Variants in SEM1 observed in about 807,000 individuals in gnomAD.
SEM1 encodes the protein SEM1 26S proteasome subunit.
A neutral mutation model predicts 12.7 loss-of-function variants in SEM1; 3 were observed. That is an observed-to-expected ratio of 0.24 (90% CI 0.11 to 0.61). SEM1 has a LOEUF of 0.61. Ranked by LOEUF, SEM1 falls within the 20% of genes least tolerant of loss-of-function variation. The pLI is 0.88. For synonymous variants in SEM1, 30 were observed against 27.8 expected (o/e 1.08, Z -0.25); for missense variants, 59 against 81.3 (o/e 0.73, Z 1.06).
chr7:96,682,791 GTA>G (rs1789653698), intron 2 of SEM1, among the ~76,000 whole-genome samples: 1 of 151,904 alleles, frequency 6.6e-6, no homozygotes, highest in East Asian at 1.9e-4. Context: ...AGGATACATT[GTA>G]TCCTTTGTCT....
chr7:96,592,765 T>C (rs550924689), intron 2 of SEM1, among the ~76,000 whole-genome samples: 1 of 151,934 alleles, frequency 6.6e-6, no homozygotes, highest in African/African-American at 2.4e-5. Context: ...AAAAGGATTG[T>C]TTTTCCACAC....
At chr7:96,662,645 C>T (rs1789043208) in intron 2 of SEM1, among the ~76,000 whole-genome samples, 1 of 152,100 alleles carries the variant, frequency 6.6e-6, no homozygotes. Context: ...ACATAACAAA[C>T]CTGCACATTC....
At chr7:96,535,446 A>G (rs938483645) in intron 2 of SEM1, among the ~76,000 whole-genome samples, 2 of 151,822 alleles carry the variant, frequency 1.3e-5, no homozygotes, top group Middle Eastern at 3.4e-3. Context: ...TCATATTTTA[A>G]TTTTCTTTTT....
intron 2 of SEM1, among the ~76,000 whole-genome samples, chr7:96,591,950 T>G (rs887750863): frequency 6.6e-6 from 1 of 152,106 alleles, no homozygotes. Flanking sequence ...AACCTTGCTT[T>G]TTAGAGAGGG....
At chr7:96,584,223 A>G (rs1289111630) in intron 2 of SEM1, among the ~76,000 whole-genome samples, 1 of 152,092 alleles carries the variant, frequency 6.6e-6, no homozygotes, top group African/African-American at 2.4e-5. Flanking sequence ...TCCTTCATTT[A>G]TGAAGCTTAG....
chr7:96,610,485 T>G (rs1199269754), intron 2 of SEM1, among the ~76,000 whole-genome samples: 1 of 152,158 alleles, frequency 6.6e-6, no homozygotes, highest in African/African-American at 2.4e-5. Flanking sequence ...CCAATGATAC[T>G]CTAGGTAAGA....
At chr7:96,509,113 A>G (rs534352507) in intron 2 of SEM1, among the ~76,000 whole-genome samples, 10 of 151,070 alleles carry the variant, frequency 6.6e-5, no homozygotes, top group Non-Finnish European at 1.5e-4. Context: ...CAGCCTCCCA[A>G]GTAGCTGGGA....
At chr7:96,704,570 A>G (rs1008187488) in intron 1 of SEM1, among the ~76,000 whole-genome samples, 1 of 152,212 alleles carries the variant, frequency 6.6e-6, no homozygotes, top group African/African-American at 2.4e-5. Context: ...CACAATTATC[A>G]AAAATGGACA....
intron 2 of SEM1, among the ~76,000 whole-genome samples, chr7:96,636,882 C>G (rs1466087856): frequency 1.3e-5 from 2 of 151,996 alleles, no homozygotes; most frequent in African/African-American, 4.8e-5. Flanking sequence ...TAAAGTCCAC[C>G]TGGTATAGCA....
chr7:96,565,649 C>T (rs1418486272), intron 2 of SEM1, among the ~76,000 whole-genome samples: 1 of 151,794 alleles, frequency 6.6e-6, no homozygotes, highest in Non-Finnish European at 1.5e-5. Context: ...GTAATGATTA[C>T]ACACACTTAT....
At chr7:96,503,282 A>C (rs1214695195) in intron 3 of SEM1, among the ~76,000 whole-genome samples, 1 of 152,274 alleles carries the variant, frequency 6.6e-6, no homozygotes, top group African/African-American at 2.4e-5. Flanking sequence ...ATTCTTGAGC[A>C]ATGAGCATTT....
chr7:96,676,708 T>C (rs1372211798), intron 2 of SEM1, among the ~76,000 whole-genome samples: 1 of 152,204 alleles, frequency 6.6e-6, no homozygotes, highest in Non-Finnish European at 1.5e-5. Flanking sequence ...ATGACTGTTT[T>C]ACATTTCCCA....
At chr7:96,636,283 T>C (rs1384313691) in intron 2 of SEM1, among the ~76,000 whole-genome samples, 1 of 151,506 alleles carries the variant, frequency 6.6e-6, no homozygotes, top group Non-Finnish European at 1.5e-5. Flanking sequence ...TAACTCCTGG[T>C]TCCTGGTCAG....
chr7:96,523,513 G>A (rs139906400), intron 2 of SEM1, among the ~76,000 whole-genome samples: 18 of 152,192 alleles, frequency 1.2e-4, no homozygotes, highest in Admixed American at 6.5e-5. Flanking sequence ...GGGCAGTGTC[G>A]TAAATCAGCA....
exon 3 of SEM1, chr7:96,673,736 G>A: frequency 1.3e-6 from 1 of 764,940 alleles, no homozygotes; most frequent in Non-Finnish European, 2.4e-6. Context: ...GTGGGGCCAT[G>A]AACACATACA....
Position 96,691,253 on chromosome 7 carries a change from C to T in SEM1, c.171-2287G>A, listed in dbSNP as rs145703158. ...TCTACTTCTGTTAAAGGTAATTACA[C>T]GGAAAGAGAAAGACGAATGTGGAAA... On this transcript the variant is annotated intron_variant, in intron 2 of 2. Transcript: ENST00000248566. 5.2e-3 allele frequency among the ~76,000 whole-genome samples: 795 copies of T among 152,204 alleles called. 14 individuals are homozygous for T. The highest frequency in any genetic ancestry group is 0.018 in the African/African-American group (729 of 41,510).
At chr7:96,518,792 T>C (rs1804178371) in intron 2 of SEM1, among the ~76,000 whole-genome samples, 2 of 152,148 alleles carry the variant, frequency 1.3e-5, no homozygotes, top group Admixed American at 1.3e-4. Context: ...CACTCCATCA[T>C]TCCCCTAACA....
At chr7:96,597,694 T>TATATAC (rs1807047792) in intron 2 of SEM1, among the ~76,000 whole-genome samples, 1 of 92,770 alleles carries the variant, frequency 1.1e-5, no homozygotes. Flanking sequence ...TATATATATA[T>TATATAC]ACACACACAC....
chr7:96,540,551 T>C (rs1263900642), intron 2 of SEM1, among the ~76,000 whole-genome samples: 1 of 151,798 alleles, frequency 6.6e-6, no homozygotes, highest in African/African-American at 2.4e-5. Flanking sequence ...CAGATAATGA[T>C]AGATAAACTT....
Sources: gnomAD v4.1 joint callset for allele counts (sites outside exome capture counted in the v4.1 genomes callset) on GRCh38, gnomAD v4.1.1 for gene constraint, MANE v1.5 for transcripts, NCBI Gene and HGNC (gene_info 2026-07-23, HGNC 2026-07-21) for gene names.